PARVB: variants seen among roughly 807,000 people sequenced by gnomAD.
PARVB encodes beta-parvin.
A neutral mutation model predicts 47.0 loss-of-function variants in PARVB; 46 were observed. That is an observed-to-expected ratio of 0.98 (90% confidence interval 0.77 to 1.25). The LOEUF (loss-of-function observed/expected upper bound fraction) is 1.25. Ranked by LOEUF, PARVB falls within the 50% of genes most tolerant of loss-of-function variation. The pLI is 0.00. For synonymous variants in PARVB, 196 were observed against 196.3 expected (o/e 1.00, Z 0.01); for missense variants, 473 against 471.6 (o/e 1.00, Z -0.03).
intron 1 of PARVB, among the ~76,000 whole-genome samples, chr22:44,083,774 T>C (rs2051962029): frequency 6.6e-6 from 1 of 151,942 alleles, no homozygotes; most frequent in Non-Finnish European, 1.5e-5. Flanking sequence ...ACTATGAAGG[T>C]TTTGCGTTTT....
Position 44,068,128 on chromosome 22 carries a change from C to T in PARVB, c.113-25800C>T, listed in dbSNP as rs958465717. ...AGCAGAACTGGGATTGTCAGTTAAT[C>T]GAGCAACACCTCCAGGAAGCCAGCC... On this transcript the variant is annotated intron_variant, in intron 1 of 12. Transcript: ENST00000338758. This position sits in a 1 kb window ranked among gnomAD's most constrained non-coding sequence, Gnocchi z 4.1. Among the ~76,000 whole-genome samples, 4 of 151,950 alleles carry T rather than the reference C, an allele frequency of 2.6e-5. No homozygotes were observed. Among genetic ancestry groups the T allele is most frequent in the Non-Finnish European group, 4.4e-5 (3 of 68,026 alleles).
chr22:44,007,558 C>T lies in PARVB; in HGVS notation c.211+7885C>T, dbSNP rs1225079851. 5.9e-5 allele frequency among the ~76,000 whole-genome samples: 9 copies of T among 152,206 alleles called. No homozygotes were observed. In the East Asian group the frequency reaches 1.7e-3, roughly 29 times the overall value. ...ATCTCCTTCCTTCCTGTAGATTCCT[C>T]TTCTCCACGAGAAAGTTTTAGAGGC... On this transcript the variant is annotated intron_variant, in intron 2 of 13. Coordinates refer to the PARVB transcript ENST00000406477.
At chr22:44,042,586 C>G (rs562116939) in intron 1 of PARVB, among the ~76,000 whole-genome samples, 1 of 152,206 alleles carries the variant, frequency 6.6e-6, no homozygotes, top group Non-Finnish European at 1.5e-5. Context: ...CTGAGAACGT[C>G]TGCACTTTGT....
intron 8 of PARVB, chr22:44,145,669 T>G (rs547265595): frequency 6.6e-6 from 1 of 152,260 alleles, no homozygotes; most frequent in Non-Finnish European, 1.5e-5. Flanking sequence ...CCCTGGCCCC[T>G]CCCTGCCTTG....
intron 8 of PARVB, 24 bp from the exon 9 acceptor site, chr22:44,147,837 G>A (rs2053719290): frequency 1.2e-5 from 20 of 1,611,168 alleles, no homozygotes; most frequent in Admixed American, 1.7e-5. Context: ...ACGCTCCTTC[G>A]TGTCTCTCTT....
rs2146935820 is a variant in PARVB at position 44,049,900 on chromosome 22, ATGT to A, written c.112+25453_112+25455del. ...TGGCTCTGGTGGGGAGTGTGTCTCG[ATGT>A]TGTACTGTGAATAAGCCCCATGCCT... On this transcript the variant is annotated intron_variant, in intron 1 of 12. Transcript: ENST00000338758. This position sits in a 1 kb window ranked among gnomAD's most constrained non-coding sequence, Gnocchi z 4.0. Among the ~76,000 whole-genome samples the A allele has an allele frequency of 6.6e-6, 1 of 152,132 alleles. No individual in the cohort carries two copies. Among genetic ancestry groups the A allele is most frequent in the East Asian group, 1.9e-4 (1 of 5,162 alleles).
intron 1 of PARVB, among the ~76,000 whole-genome samples, chr22:44,080,210 G>A (rs1460931824): frequency 2.0e-5 from 3 of 152,206 alleles, no homozygotes; most frequent in Non-Finnish European, 1.5e-5. Flanking sequence ...GAGTTGCTGG[G>A]GCTCTCTTGA....
intron 1 of PARVB, among the ~76,000 whole-genome samples, chr22:44,028,311 TG>T (rs199936891): frequency 3.8e-5 from 5 of 130,938 alleles, no homozygotes; most frequent in African/African-American, 1.4e-4. Context: ...ATCATTTTTT[TG>T]TTTTGTTTTT....
chr22:44,047,209 GC>G (rs1486001090), intron 1 of PARVB, among the ~76,000 whole-genome samples: 1 of 152,212 alleles, frequency 6.6e-6, no homozygotes, highest in African/African-American at 2.4e-5. Context: ...CGTGGCACTG[GC>G]ATCTGGTTCT....
At chr22:44,073,596 G>A (rs1240495829) in intron 1 of PARVB, among the ~76,000 whole-genome samples, 1 of 152,258 alleles carries the variant, frequency 6.6e-6, no homozygotes, top group Non-Finnish European at 1.5e-5. Flanking sequence ...AGAGATGAAA[G>A]GTGTCACTGT....
intron 10 of PARVB, among the ~76,000 whole-genome samples, chr22:44,153,901 T>C (rs1263972610): frequency 1.3e-5 from 2 of 152,214 alleles, no homozygotes; most frequent in Non-Finnish European, 2.9e-5. Context: ...TAAACAGCAG[T>C]GCAGAGAGCA....
rs1365425211 is a variant in PARVB, at chr22:44,013,007, G to C, written c.211+13334G>C. Reference sequence around the variant, plus strand: ...CACCTCCCGGGTTCAGGCGATTCTCGTGCCTCAGCCTCCCAAGTAGCTAAG... The same window carrying C: ...CACCTCCCGGGTTCAGGCGATTCTCCTGCCTCAGCCTCCCAAGTAGCTAAG... On this transcript the variant is annotated intron_variant, in intron 2 of 13. Transcript: ENST00000406477. Among the ~76,000 whole-genome samples the C allele has an allele frequency of 2.0e-5, 3 of 151,422 alleles. No homozygotes were observed. The East Asian group carries it at 5.8e-4, about 29-fold the overall frequency.
At chr22:44,143,039 T>A (rs2053590047) in intron 8 of PARVB, 1 of 152,244 alleles carries the variant, frequency 6.6e-6, no homozygotes, top group African/African-American at 2.4e-5. Context: ...TGCTCCCTCC[T>A]CCAGCAACCT....
intron 8 of PARVB, chr22:44,140,437 A>T: frequency 2.9e-6 from 2 of 701,136 alleles, no homozygotes; most frequent in Admixed American, 3.5e-5. Context: ...TGGAACTGTC[A>T]GGGGCTGGAG....
At chr22:44,048,379 A>AT (rs200758692) in intron 1 of PARVB, among the ~76,000 whole-genome samples, 9 of 149,106 alleles carry the variant, frequency 6.0e-5, no homozygotes, top group Non-Finnish European at 1.2e-4. Flanking sequence ...TTTCGCTCGA[A>AT]TTTTTTTTTT....
At chr22:44,128,245 G>A (rs144104864) in intron 4 of PARVB, among the ~76,000 whole-genome samples, 15 of 152,294 alleles carry the variant, frequency 9.8e-5, no homozygotes, top group Non-Finnish European at 1.6e-4. Flanking sequence ...CCTGGCTGTC[G>A]TCCTGCTGGT....
intron 9 of PARVB, chr22:44,148,176 C>T: frequency 1.9e-6 from 1 of 530,598 alleles, no homozygotes; most frequent in Non-Finnish European, 3.4e-6. Flanking sequence ...ACCCAGCCCC[C>T]ATTTCTTTCT....
chr22:44,007,151 C>T (rs548226293), intron 2 of PARVB, among the ~76,000 whole-genome samples: 29 of 152,234 alleles, frequency 1.9e-4, no homozygotes, highest in African/African-American at 6.3e-4. Flanking sequence ...TTAGTGTGTG[C>T]GAGGCTGCGT....
At chr22:44,023,537 C>CAAAACAAAACAAAACTAAAAT (rs1416034853), upstream of PARVB, among the ~76,000 whole-genome samples, 1 of 127,300 alleles carries the variant, frequency 7.9e-6, no homozygotes, top group Non-Finnish European at 1.7e-5. Flanking sequence ...TAAAACAAAA[C>CAAAACAAAACAAAACTAAAAT]AAAATAAAAT....
Sources: gnomAD v4.1 joint callset for allele counts (sites outside exome capture counted in the v4.1 genomes callset) on GRCh38, gnomAD v4.1.1 for gene constraint, Gnocchi (gnomAD v3.1) non-coding constraint, MANE v1.5 for transcripts, NCBI Gene and HGNC (gene_info 2026-07-23, HGNC 2026-07-21) for gene names.